The following ARHGAP28 variants were observed in gnomAD, a reference collection of about 807,000 sequenced individuals.
ARHGAP28 encodes rho GTPase-activating protein 28.
A neutral mutation model predicts 90.7 loss-of-function variants in ARHGAP28; 56 were observed. The ratio of observed to expected loss-of-function variants is 0.62; its 90% CI spans 0.50 to 0.77. The LOEUF (loss-of-function observed/expected upper bound fraction) is 0.77. ARHGAP28 is among the 30% of genes least tolerant of loss of function. The probability of loss-of-function intolerance (pLI) is 0.00; values close to 1 mark genes in which losing one functional copy is unlikely to be tolerated. For missense variants in ARHGAP28, 869 were observed against 900.9 expected (o/e 0.96, Z 0.45); for synonymous variants, 308 against 323.3 (o/e 0.95, Z 0.51).
At chr18:6,871,299 C>T (rs1379759878) in intron 7 of ARHGAP28, among the ~76,000 whole-genome samples, 1 of 152,174 alleles carries the variant, frequency 6.6e-6, no homozygotes, top group Non-Finnish European at 1.5e-5. Flanking sequence ...TAGGATTCTA[C>T]CTGCCTGGCT....
chr18:6,852,512 A>T (rs1276540583), intron 4 of ARHGAP28, among the ~76,000 whole-genome samples: 1 of 152,264 alleles, frequency 6.6e-6, no homozygotes, highest in African/African-American at 2.4e-5. Context: ...TTTGCTTCAT[A>T]TAAAAGAAAA....
At chr18:6,757,171 A>G (rs2056117858) in intron 1 of ARHGAP28, among the ~76,000 whole-genome samples, 1 of 152,256 alleles carries the variant, frequency 6.6e-6, no homozygotes, top group African/African-American at 2.4e-5. Flanking sequence ...GACCTGCTTA[A>G]TAGTTATCAC....
chr18:6,840,373 T>C (rs1330980057), intron 3 of ARHGAP28, among the ~76,000 whole-genome samples: 1 of 152,222 alleles, frequency 6.6e-6, no homozygotes. Context: ...ACTCAGTGCA[T>C]TACTAGAGAA....
At chr18:6,748,009 A>G (rs1373798434) in intron 1 of ARHGAP28, among the ~76,000 whole-genome samples, 1 of 152,198 alleles carries the variant, frequency 6.6e-6, no homozygotes, top group African/African-American at 2.4e-5. Flanking sequence ...GTGAATGCAA[A>G]AATATTACTA....
rs942744110 is a variant in ARHGAP28 at position 6,912,757 on chromosome 18, T to A, written c.*603T>A. On this transcript the variant is annotated 3_prime_UTR_variant, in exon 18 of 18. Transcript: ENST00000383472. ...ATTGTTATATATGTCAGGCTGTGTA[T>A]TGTGACTATCAGCATTCTGGTGCAA... The A allele has an allele frequency of 1.3e-5, 2 of 152,372 alleles. No homozygotes were observed. Among genetic ancestry groups the A allele is most frequent in the African/African-American group, 4.8e-5 (2 of 41,586 alleles). The allele number at this position is 152,372 out of a possible 1,614,324, so 9.4% of individuals were successfully genotyped here.
Position 6,828,240 on chromosome 18 carries a change from A to G in ARHGAP28, c.325+3276A>G, listed in dbSNP as rs1013627241. Reference sequence around the variant, plus strand: ...GCGGCACGCGCCTGCAATCGCAGGCACTCGGCAGGCCCAGGCAGGAGAATC... The same window carrying G: ...GCGGCACGCGCCTGCAATCGCAGGCGCTCGGCAGGCCCAGGCAGGAGAATC... On this transcript the variant is annotated intron_variant, in intron 2 of 17. Coordinates refer to ENST00000383472, the MANE Select transcript of ARHGAP28 (RefSeq NM_001366230.1). 7.2e-5 allele frequency among the ~76,000 whole-genome samples: 11 copies of G among 152,162 alleles called. No individual in the cohort carries two copies. The East Asian group carries it at 1.5e-3, about 21-fold the overall frequency.
At chr18:6,864,929 C>T (rs540561488) in intron 5 of ARHGAP28, among the ~76,000 whole-genome samples, 1 of 152,132 alleles carries the variant, frequency 6.6e-6, no homozygotes, top group East Asian at 1.9e-4. Flanking sequence ...GTTTCAGGTT[C>T]GCAGCAAAAT....
rs485069 is a variant in ARHGAP28, at chr18:6,908,438, C to T, written c.2031-522C>T. 7.4e-4 allele frequency among the ~76,000 whole-genome samples: 113 copies of T among 152,226 alleles called. 2 individuals carry two copies. Among genetic ancestry groups the T allele is most frequent in the African/African-American group, 2.4e-3 (99 of 41,534 alleles). The stretch of plus-strand genomic sequence containing the variant: ...ACAGGCATGAGCCACCGTGTCCGGC[C>T]GTGACTTGCTTTTATTATGGGGCAG... On this transcript the variant is annotated intron_variant, in intron 16 of 17. Transcript: ENST00000383472.
chr18:6,904,925 A>G (rs941238394), intron 16 of ARHGAP28, among the ~76,000 whole-genome samples: 1 of 152,186 alleles, frequency 6.6e-6, no homozygotes, highest in Non-Finnish European at 1.5e-5. Flanking sequence ...TTGAATCTAT[A>G]ATATTAAAGT....
intron 14 of ARHGAP28, 124 bp downstream of exon 14, chr18:6,890,667 G>A: frequency 1.7e-6 from 1 of 577,316 alleles, no homozygotes; most frequent in Non-Finnish European, 3.0e-6. Context: ...AGGGAGTGTT[G>A]TAACTATAAA....
At chr18:6,800,055 T>G (rs546797177) in intron 1 of ARHGAP28, among the ~76,000 whole-genome samples, 2 of 152,186 alleles carry the variant, frequency 1.3e-5, no homozygotes, top group East Asian at 3.9e-4. Flanking sequence ...CTGAAGGATA[T>G]GAACAGACAC....
At chr18:6,817,912 C>A (rs144301929) in intron 1 of ARHGAP28, among the ~76,000 whole-genome samples, 44 of 152,280 alleles carry the variant, frequency 2.9e-4, no homozygotes, top group African/African-American at 8.4e-4. Flanking sequence ...GGTCAGAGAG[C>A]AATTCTGATA....
At chr18:6,771,098 A>G (rs748628658) in intron 1 of ARHGAP28, among the ~76,000 whole-genome samples, 4 of 152,058 alleles carry the variant, frequency 2.6e-5, no homozygotes, top group Non-Finnish European at 4.4e-5. Context: ...GTGCAGTGGT[A>G]TGATCATGGC....
Position 6,909,450 on chromosome 18 carries a change from G to A in ARHGAP28, c.2095+426G>A, listed in dbSNP as rs530796327. On this transcript the variant is annotated intron_variant, in intron 17 of 17. Coordinates refer to ENST00000383472, the MANE Select transcript of ARHGAP28 (RefSeq NM_001366230.1). ...TGGGATTGCAGATGCCCGCCACCACGCCCAGACAATTTTTATATTTTTAGT... is the reference window on the plus strand; with the variant it reads ...TGGGATTGCAGATGCCCGCCACCACACCCAGACAATTTTTATATTTTTAGT... Among the ~76,000 whole-genome samples the A allele has an allele frequency of 4.6e-5, 7 of 151,266 alleles. No individual in the cohort carries two copies. The East Asian group carries it at 9.8e-4, about 21-fold the overall frequency.
At chr18:6,841,570 A>C (rs554851143) in intron 3 of ARHGAP28, among the ~76,000 whole-genome samples, 1 of 152,064 alleles carries the variant, frequency 6.6e-6, no homozygotes, top group Admixed American at 6.5e-5. Context: ...ATAGATATGT[A>C]GATTATGCTG....
chr18:6,811,025 TATAAAGTTC>T (rs1252176953), intron 1 of ARHGAP28, among the ~76,000 whole-genome samples: 1 of 152,184 alleles, frequency 6.6e-6, no homozygotes, highest in Non-Finnish European at 1.5e-5. Context: ...ATCTGTGTTT[TATAAAGTTC>T]TGTAAGAAAT....
Position 6,887,168 on chromosome 18 carries a change from G to C in ARHGAP28, c.1465G>C (p.Val489Leu). 1 of 1,614,068 alleles carries C rather than the reference G, an allele frequency of 6.2e-7. No individual in the cohort carries two copies. Among genetic ancestry groups the C allele is most frequent in the Non-Finnish European group, 8.5e-7 (1 of 1,179,948 alleles). ...TGTTTTCTTGTTAGGAGGGCCTCACGTCAAAGTACAGTTTCAAGCCTTACA... is the reference window on the plus strand; with the variant it reads ...TGTTTTCTTGTTAGGAGGGCCTCACCTCAAAGTACAGTTTCAAGCCTTACA... ...FISLMERGPH[V>L]KVQFQALHLM... The change falls in exon 12 of 18, where the codon GTC becomes CTC. Residue 489 changes from valine (V) to leucine (L), a missense_variant. By Grantham distance (32) the Val-to-Leu change is conservative. Coordinates refer to ENST00000383472, the MANE Select transcript of ARHGAP28 (RefSeq NM_001366230.1).
chr18:6,739,738 C>T (rs934254074), intron 1 of ARHGAP28, among the ~76,000 whole-genome samples: 1 of 150,050 alleles, frequency 6.7e-6, no homozygotes, highest in Non-Finnish European at 1.5e-5. Flanking sequence ...GTAACTAGAT[C>T]TTATAATTTT....
chr18:6,884,683 G>A (rs531877672), intron 11 of ARHGAP28, among the ~76,000 whole-genome samples: 5 of 152,056 alleles, frequency 3.3e-5, no homozygotes, highest in Admixed American at 1.3e-4. Flanking sequence ...TCAATCCTTC[G>A]CCGTGTTACC....
Sources: gnomAD v4.1 joint callset for allele counts (sites outside exome capture counted in the v4.1 genomes callset) on GRCh38, gnomAD v4.1.1 for gene constraint, MANE v1.5 for transcripts, NCBI Gene and HGNC (gene_info 2026-07-23, HGNC 2026-07-21) for gene names.